SORCS2: variants seen among roughly 807,000 people sequenced by gnomAD.
SORCS2 encodes the protein sortilin related VPS10 domain containing receptor 2.
In SORCS2, 100 loss-of-function variants were observed where a neutral mutation model predicts 141.6. The ratio of observed to expected loss-of-function variants is 0.71; its 90% CI spans 0.60 to 0.83. The LOEUF (loss-of-function observed/expected upper bound fraction) is 0.83. SORCS2 is among the 40% of genes least tolerant of loss of function. The pLI is 0.00. For synonymous variants in SORCS2, 789 were observed against 676.9 expected (o/e 1.17, Z -2.57); for missense variants, 1,646 against 1,560.2 (o/e 1.05, Z -0.93).
chr4:7,686,668 A>G (rs1723898178), intron 10 of SORCS2, among the ~76,000 whole-genome samples: 1 of 152,200 alleles, frequency 6.6e-6, no homozygotes, highest in Admixed American at 6.5e-5. Flanking sequence ...CCTGATGCGC[A>G]CTGGCCTGCC....
At position 7,201,653 on chromosome 4, in the gene SORCS2, T is replaced by C. The variant is rs1727489780; in HGVS notation, c.480+8527T>C. ...GTGCAGGAAGAAATGGAGGGGAAGC[T>C]TGTACGTTGCCTCCTCTTTTGGGGC... On this transcript the variant is annotated intron_variant, in intron 1 of 26. Transcript: ENST00000507866. This position sits in a 1 kb window ranked among gnomAD's most constrained non-coding sequence, Gnocchi z 4.4. Among the ~76,000 whole-genome samples the C allele has an allele frequency of 6.6e-6, 1 of 152,210 alleles. No homozygotes were observed. The highest frequency in any genetic ancestry group is 1.5e-5 in the Non-Finnish European group (1 of 68,034).
intron 2 of SORCS2, chr4:7,434,013 C>T: frequency 6.2e-7 from 1 of 1,612,450 alleles, no homozygotes. Flanking sequence ...TCACACCGGC[C>T]TTCATCTGCA....
chr4:7,340,999 G>A (rs932164854), intron 1 of SORCS2, among the ~76,000 whole-genome samples: 1 of 152,182 alleles, frequency 6.6e-6, no homozygotes, highest in Non-Finnish European at 1.5e-5. Context: ...AACAAACCCT[G>A]CCTGCAGGCC....
At chr4:7,391,366 C>T (rs545827882) in intron 1 of SORCS2, among the ~76,000 whole-genome samples, 1 of 152,324 alleles carries the variant, frequency 6.6e-6, no homozygotes, top group African/African-American at 2.4e-5. Context: ...CCTCGGCTCC[C>T]TCCCACTGCC....
intron 1 of SORCS2, among the ~76,000 whole-genome samples, chr4:7,301,608 G>A (rs777497885): frequency 6.6e-6 from 1 of 152,246 alleles, no homozygotes; most frequent in Non-Finnish European, 1.5e-5. Flanking sequence ...CTAGGTTGGC[G>A]CCTGCTGCCA....
At chr4:7,433,305 C>T (rs1380689274) in intron 2 of SORCS2, 20 of 1,373,074 alleles carry the variant, frequency 1.5e-5, no homozygotes, top group Non-Finnish European at 1.9e-5. Flanking sequence ...GGGTCTCTGG[C>T]AGCCACGGTC....
At chr4:7,589,551 T>C (rs1716773382) in intron 3 of SORCS2, among the ~76,000 whole-genome samples, 1 of 152,058 alleles carries the variant, frequency 6.6e-6, no homozygotes, top group Admixed American at 6.5e-5. Context: ...TATAGGCGCC[T>C]GCCACCATGC....
intron 2 of SORCS2, among the ~76,000 whole-genome samples, chr4:7,427,363 G>A (rs7680310): frequency 0.075 from 11,427 of 152,168 alleles, 788 homozygotes; most frequent in African/African-American, 0.18. Context: ...CAAGAGCACT[G>A]TCCCTCCCTG....
chr4:7,230,942 G>T (rs182381334), intron 1 of SORCS2, among the ~76,000 whole-genome samples: 4 of 152,366 alleles, frequency 2.6e-5, no homozygotes, highest in South Asian at 4.1e-4. Context: ...CATTGGTCAG[G>T]GTTCTCCAGA....
chr4:7,574,157 C>T (rs1460015812), intron 3 of SORCS2, among the ~76,000 whole-genome samples: 2 of 152,244 alleles, frequency 1.3e-5, no homozygotes, highest in African/African-American at 4.8e-5. Context: ...CCCAGAAGCT[C>T]GAGCATCAGC....
In SORCS2 at chr4:7,386,278, GCACATGCACA is replaced by G. The variant is rs1175214211; in HGVS notation, c.481-9994_481-9985del. On this transcript the variant is annotated intron_variant, in intron 1 of 26. Coordinates refer to ENST00000507866, the MANE Select transcript of SORCS2 (RefSeq NM_020777.3). ...CATACAGGTACACAGAGATACACACGCACATGCACACACATGCACACACATACACATTTGC... is the reference window on the plus strand; with the variant it reads ...CATACAGGTACACAGAGATACACACGCACATGCACACACATACACATTTGC... 1.2e-3 allele frequency among the ~76,000 whole-genome samples: 71 copies of G among 59,326 alleles called. 3 individuals are homozygous for G. Among genetic ancestry groups the G allele is most frequent in the African/African-American group, 3.1e-3 (45 of 14,288 alleles). The allele number at this position is 59,326 out of a possible 152,430, so 38.9% of individuals were successfully genotyped here.
Position 7,320,870 on chromosome 4 carries a change from T to A in SORCS2, c.481-75418T>A, listed in dbSNP as rs1718854413. Among the ~76,000 whole-genome samples the A allele has an allele frequency of 2.6e-5, 4 of 151,494 alleles. No homozygotes were observed. In the South Asian group the frequency reaches 8.4e-4, roughly 32 times the overall value. On this transcript the variant is annotated intron_variant, in intron 1 of 26. Transcript: ENST00000507866. Reference sequence around the variant, plus strand: ...GACCCACCCTCCCTTCCTCCATTCCTCCCTTCCTCCCTTCCCCTCCCCTCC... The same window carrying A: ...GACCCACCCTCCCTTCCTCCATTCCACCCTTCCTCCCTTCCCCTCCCCTCC...
At chr4:7,365,364 G>T (rs1258582345) in intron 1 of SORCS2, among the ~76,000 whole-genome samples, 1 of 152,116 alleles carries the variant, frequency 6.6e-6, no homozygotes, top group Non-Finnish European at 1.5e-5. Context: ...GGTGGGGAAG[G>T]GGTGTGTGGC....
At chr4:7,433,172 G>T (rs1231529367) in intron 2 of SORCS2, 8 of 838,202 alleles carry the variant, frequency 9.5e-6, no homozygotes, top group Non-Finnish European at 1.3e-5. Context: ...TCGGGATCAG[G>T]AATACTTGGT....
At chr4:7,729,802 C>T (rs1162312269) in intron 23 of SORCS2, 90 bp downstream of exon 23, 16 of 1,511,066 alleles carry the variant, frequency 1.1e-5, no homozygotes, top group African/African-American at 1.4e-5. Flanking sequence ...CTCAGTGGCT[C>T]ATGGCATAAA....
chr4:7,691,124 C>G (rs1191805881), intron 11 of SORCS2, among the ~76,000 whole-genome samples: 4 of 152,186 alleles, frequency 2.6e-5, no homozygotes, highest in African/African-American at 9.7e-5. Flanking sequence ...AGGACCCCTT[C>G]CCTCCATTTC....
At chr4:7,550,132 ATGTGTGTG>A (rs36213889) in intron 3 of SORCS2, among the ~76,000 whole-genome samples, 108 of 141,846 alleles carry the variant, frequency 7.6e-4, no homozygotes, top group Middle Eastern at 3.6e-3. Context: ...GTATGTGTGT[ATGTGTGTG>A]TGTGTGTGTG....
intron 1 of SORCS2, among the ~76,000 whole-genome samples, chr4:7,389,754 T>G (rs1436123061): frequency 2.0e-5 from 3 of 152,096 alleles, no homozygotes; most frequent in African/African-American, 7.2e-5. Flanking sequence ...GATCCAAGTA[T>G]GCAAATGCCT....
In SORCS2 at chr4:7,346,765, T is replaced by C. The variant is rs117336415; in HGVS notation, c.481-49523T>C. 5.9e-5 allele frequency among the ~76,000 whole-genome samples: 9 copies of C among 152,360 alleles called. No homozygotes were observed. The East Asian group carries it at 1.7e-3, about 29-fold the overall frequency. Reference sequence around the variant, plus strand: ...TTGTTATATCTTCCTGAAGGATTGATCTTCCTTCTCTTTCTTCAGCCACAC... The same window carrying C: ...TTGTTATATCTTCCTGAAGGATTGACCTTCCTTCTCTTTCTTCAGCCACAC... On this transcript the variant is annotated intron_variant, in intron 1 of 26. Transcript: ENST00000507866.
Sources: gnomAD v4.1 joint callset for allele counts (sites outside exome capture counted in the v4.1 genomes callset) on GRCh38, gnomAD v4.1.1 for gene constraint, Gnocchi (gnomAD v3.1) non-coding constraint, MANE v1.5 for transcripts, NCBI Gene and HGNC (gene_info 2026-07-23, HGNC 2026-07-21) for gene names.